The following STPG2 variants were observed in gnomAD, a reference collection of about 807,000 sequenced individuals.
STPG2 encodes the protein sperm-tail PG-rich repeat-containing protein 2.
STPG2 carries 56 observed loss-of-function variants against 54.2 expected under a neutral mutation model. The observed-to-expected ratio is 1.03, with a 90% CI of 0.83 to 1.29. The LOEUF is 1.29. Among genes scored for constraint, STPG2 ranks in the 50% most tolerant of loss-of-function variants. The probability of loss-of-function intolerance (pLI) is 0.00; values close to 1 mark genes in which losing one functional copy is unlikely to be tolerated. For missense variants in STPG2, 596 were observed against 544.9 expected (o/e 1.09, Z -0.93); for synonymous variants, 200 against 181.8 (o/e 1.10, Z -0.81).
intron 10 of STPG2, among the ~76,000 whole-genome samples, chr4:97,687,567 T>C (rs561567616): frequency 9.0e-4 from 136 of 151,288 alleles, no homozygotes; most frequent in Non-Finnish European, 1.6e-3. Context: ...CTCGAACTCC[T>C]GACCCCAGGT....
intron 10 of STPG2, among the ~76,000 whole-genome samples, chr4:97,687,141 G>A (rs1723219508): frequency 6.6e-6 from 1 of 151,438 alleles, no homozygotes; most frequent in South Asian, 2.1e-4. Flanking sequence ...TAGTAGAAAC[G>A]GGGTTTCACT....
At chr4:97,512,824 C>T (rs1440167249) in intron 4 of STPG2, among the ~76,000 whole-genome samples, 1 of 152,046 alleles carries the variant, frequency 6.6e-6, no homozygotes, top group African/African-American at 2.4e-5. Context: ...CAGAATAATT[C>T]TGTGACTACA....
chr4:97,987,479 T>G (rs1412276252), intron 5 of STPG2, among the ~76,000 whole-genome samples: 42 of 152,140 alleles, frequency 2.8e-4, no homozygotes, highest in Non-Finnish European at 1.5e-5. Flanking sequence ...ACTAGATACT[T>G]TATAACAGAT....
intron 8 of STPG2, among the ~76,000 whole-genome samples, chr4:97,851,179 C>T (rs1729148479): frequency 6.6e-6 from 1 of 152,168 alleles, no homozygotes; most frequent in Non-Finnish European, 1.5e-5. Context: ...TTTAATATCA[C>T]CCATCACCAT....
chr4:98,128,497 G>A lies in STPG2; in HGVS notation c.318C>T (p.Gly106=), dbSNP rs2110162300. ...CAGGTGGAAAACATTTTATAATACT[G>A]CCATCATCATTAATATGATAACCAT... ...KSYGYHINDD[G]SIIKCFPPAC... is the part of the protein sequence containing the mutation. The change falls in exon 3 of 11, where the codon GGC becomes GGT. Residue 106 remains glycine, a synonymous_variant. Coordinates refer to ENST00000295268, the MANE Select transcript of STPG2 (RefSeq NM_174952.3). 6.2e-7 allele frequency: 1 copy of A among 1,613,450 alleles called. No individual in the cohort carries two copies. Among genetic ancestry groups the A allele is most frequent in the East Asian group, 2.2e-5 (1 of 44,804 alleles).
intron 8 of STPG2, among the ~76,000 whole-genome samples, chr4:97,904,236 C>CA (rs1731303560): frequency 6.6e-6 from 1 of 152,170 alleles, no homozygotes; most frequent in African/African-American, 2.4e-5. Flanking sequence ...GTTCTCCCAG[C>CA]ACACAGCTGG....
chr4:97,463,809 TACGTTACTGTTTAGTA>T, intron 4 of STPG2, among the ~76,000 whole-genome samples: 1 of 152,238 alleles, frequency 6.6e-6, no homozygotes, highest in African/African-American at 2.4e-5. Flanking sequence ...TCAATATTGA[TACGTTACTGTTTAGTA>T]ACACCATATG....
chr4:97,875,172 T>C (rs1048400952), intron 8 of STPG2, among the ~76,000 whole-genome samples: 7 of 152,002 alleles, frequency 4.6e-5, no homozygotes, highest in Non-Finnish European at 8.8e-5. Context: ...CTAGATGTTT[T>C]GTGGATATTT....
intron 9 of STPG2, among the ~76,000 whole-genome samples, chr4:97,741,478 A>G (rs1725232198): frequency 6.6e-6 from 1 of 151,770 alleles, no homozygotes; most frequent in African/African-American, 2.4e-5. Flanking sequence ...ACAAAGGGCT[A>G]ATATCCAGAA....
chr4:97,762,729 A>G (rs1028018431), intron 9 of STPG2, among the ~76,000 whole-genome samples: 2 of 152,162 alleles, frequency 1.3e-5, no homozygotes, highest in African/African-American at 4.8e-5. Flanking sequence ...AAAACAATAA[A>G]ATAAGTCATT....
chr4:98,021,558 T>G (rs1229998128), intron 5 of STPG2, among the ~76,000 whole-genome samples: 1 of 152,154 alleles, frequency 6.6e-6, no homozygotes, highest in African/African-American at 2.4e-5. Context: ...CTGAGTTTAA[T>G]TCCTGGGTAT....
At chr4:98,122,380 T>A (rs1320515398) in intron 3 of STPG2, among the ~76,000 whole-genome samples, 3 of 152,192 alleles carry the variant, frequency 2.0e-5, no homozygotes, top group Non-Finnish European at 4.4e-5. Flanking sequence ...CTTCAATATG[T>A]AGTTTATTGA....
intron 8 of STPG2, among the ~76,000 whole-genome samples, chr4:97,852,074 C>A (rs987292897): frequency 6.6e-6 from 1 of 152,098 alleles, no homozygotes; most frequent in African/African-American, 2.4e-5. Context: ...CATAATTGCT[C>A]CTAGTACCAG....
intron 10 of STPG2, among the ~76,000 whole-genome samples, chr4:97,622,524 C>A (rs1734038613): frequency 6.6e-6 from 1 of 151,974 alleles, no homozygotes; most frequent in African/African-American, 2.4e-5. Flanking sequence ...ACAATAGTCA[C>A]AAAAGAATAA....
chr4:97,467,338 A>C (rs1320077171), intron 4 of STPG2, among the ~76,000 whole-genome samples: 1 of 151,878 alleles, frequency 6.6e-6, no homozygotes, highest in African/African-American at 2.4e-5. Flanking sequence ...AAAGCATATA[A>C]ATTCTTAATC....
intron 5 of STPG2, among the ~76,000 whole-genome samples, chr4:98,007,542 T>C (rs1418322021): frequency 6.6e-6 from 1 of 152,012 alleles, no homozygotes. Context: ...AATACTGGAA[T>C]ATGAAAAAGC....
Position 97,528,805 on chromosome 4 carries a change from A to G in STPG2, c.462+183894T>C, listed in dbSNP as rs185780065. On this transcript the variant is annotated intron_variant, in intron 4 of 4. Coordinates refer to the STPG2 transcript ENST00000522676. ...TCATGATTTGGCTCTCTGTTTATCT[A>G]TTATTGGTGTATAGGAATGCTTGTG... Among the ~76,000 whole-genome samples, 700 of 152,130 alleles carry G rather than the reference A, an allele frequency of 4.6e-3. 4 individuals carry two copies. Among genetic ancestry groups the G allele is most frequent in the Middle Eastern group, 0.02 (6 of 294 alleles).
intron 8 of STPG2, among the ~76,000 whole-genome samples, chr4:97,902,694 T>A (rs2149187998): frequency 6.6e-6 from 1 of 152,176 alleles, no homozygotes; most frequent in South Asian, 2.1e-4. Context: ...CATATTTTGG[T>A]GGGTATGTAA....
intron 6 of STPG2, among the ~76,000 whole-genome samples, chr4:97,980,913 A>T (rs1254863708): frequency 6.6e-6 from 1 of 152,232 alleles, no homozygotes; most frequent in Non-Finnish European, 1.5e-5. Context: ...TTTACCAAAT[A>T]AAGAAAAACA....
Sources: allele counts gnomAD v4.1 joint callset (sites outside exome capture counted in the v4.1 genomes callset), GRCh38; gene constraint gnomAD v4.1.1; transcripts MANE v1.5; gene names NCBI Gene and HGNC (gene_info 2026-07-23, HGNC 2026-07-21).